Variants in KIRREL3 observed in about 807,000 individuals in gnomAD.
KIRREL3 encodes the protein kirre like nephrin family adhesion molecule 3.
KIRREL3 carries 36 observed loss-of-function variants against 89.7 expected under a neutral mutation model. The observed-to-expected ratio is 0.40, with a 90% CI of 0.31 to 0.53. The LOEUF is 0.53. Among genes scored for constraint, KIRREL3 ranks in the 20% least tolerant of loss-of-function variants. The pLI is 0.49. For synonymous variants in KIRREL3, 445 were observed against 441.4 expected, an observed-to-expected ratio of 1.01 and a Z score of -0.10; for missense variants, 864 against 1,056.6, an observed-to-expected ratio of 0.82 and a Z score of 2.53.
intron 1 of KIRREL3, among the ~76,000 whole-genome samples, chr11:126,964,010 A>C (rs1822135827): frequency 6.6e-6 from 1 of 152,186 alleles, no homozygotes; most frequent in Admixed American, 6.5e-5. Flanking sequence ...TATCCATATT[A>C]CACTTTCAAA....
chr11:126,559,607 A>G (rs1939960395), intron 2 of KIRREL3, among the ~76,000 whole-genome samples: 1 of 151,854 alleles, frequency 6.6e-6, no homozygotes, highest in Admixed American at 6.6e-5. Context: ...CTCTTTGTGG[A>G]GGTGACACAT....
At chr11:126,951,512 C>T (rs1011242041) in intron 1 of KIRREL3, among the ~76,000 whole-genome samples, 1 of 152,146 alleles carries the variant, frequency 6.6e-6, no homozygotes, top group Non-Finnish European at 1.5e-5. Flanking sequence ...GGGGTATCTG[C>T]TGCTGGAGAT....
At position 126,771,102 on chromosome 11, in the gene KIRREL3, C is replaced by T. The variant is rs1162632635; in HGVS notation, c.56-208190G>A. On this transcript the variant is annotated intron_variant, in intron 1 of 16. Coordinates refer to ENST00000525144, the MANE Select transcript of KIRREL3 (RefSeq NM_032531.4). This position sits in a 1 kb window ranked among gnomAD's most constrained non-coding sequence, Gnocchi z 4.4. Reference sequence around the variant, plus strand: ...TCCGCTTGCCTTGGCATCCCAAAGTCCTGGGATTACAGGCATGAGCCACTT... The same window carrying T: ...TCCGCTTGCCTTGGCATCCCAAAGTTCTGGGATTACAGGCATGAGCCACTT... Among the ~76,000 whole-genome samples, 10 of 152,160 alleles carry T rather than the reference C, an allele frequency of 6.6e-5. No individual in the cohort carries two copies. The highest frequency in any genetic ancestry group is 2.4e-4 in the African/African-American group (10 of 41,428).
chr11:126,436,117 G>A (rs987144618), intron 12 of KIRREL3, among the ~76,000 whole-genome samples: 4 of 152,210 alleles, frequency 2.6e-5, no homozygotes, highest in Admixed American at 2.0e-4. Context: ...GAGCTGGGAC[G>A]TCAGCGCACG....
chr11:126,844,446 A>G lies in KIRREL3; in HGVS notation c.55+156009T>C, dbSNP rs183847811. 1.3e-5 allele frequency among the ~76,000 whole-genome samples: 2 copies of G among 152,274 alleles called. No homozygotes were observed. The highest frequency in any genetic ancestry group is 3.9e-4 in the East Asian group (2 of 5,174). On this transcript the variant is annotated intron_variant, in intron 1 of 16. Transcript: ENST00000525144. The surrounding 1 kb of genome is among the most constrained non-coding windows in gnomAD (Gnocchi z 4.8). ...GAGACCTCCAACCCAAAGGAAATAGACTGCAGCACTGATTGGCAGATTTTG... is the reference window on the plus strand; with the variant it reads ...GAGACCTCCAACCCAAAGGAAATAGGCTGCAGCACTGATTGGCAGATTTTG...
intron 4 of KIRREL3, among the ~76,000 whole-genome samples, chr11:126,511,227 G>A (rs2134397737): frequency 6.6e-6 from 1 of 152,154 alleles, no homozygotes; most frequent in Admixed American, 6.5e-5. Context: ...GGGAGGCTGA[G>A]GCAAGATAAT....
Position 126,718,353 on chromosome 11 carries a change from G to A in KIRREL3, c.56-155441C>T, listed in dbSNP as rs538006875. Among the ~76,000 whole-genome samples, 77 of 151,218 alleles carry A rather than the reference G, an allele frequency of 5.1e-4. 1 individual carries two copies. The highest frequency in any genetic ancestry group is 4.6e-3 in the Admixed American group (70 of 15,232). On this transcript the variant is annotated intron_variant, in intron 1 of 16. Transcript: ENST00000525144. ...CTAGCTGCATGCAGGTGCAAGTTGC[G>A]GAACCCAACTCCAAGAGGCTGCACG...
In KIRREL3 at chr11:126,553,940, G is replaced by C. The variant is rs1939486774; in HGVS notation, c.133+8895C>G. Among the ~76,000 whole-genome samples the C allele has an allele frequency of 6.6e-6, 1 of 152,168 alleles. No individual in the cohort carries two copies. The highest frequency in any genetic ancestry group is 2.4e-5 in the African/African-American group (1 of 41,424). ...AAAGTAGTAACCTTCGAAACAGGTT[G>C]GTGTCCATTCACATTGGAACTGCTG... On this transcript the variant is annotated intron_variant, in intron 2 of 16. Coordinates refer to ENST00000525144, the MANE Select transcript of KIRREL3 (RefSeq NM_032531.4). This position sits in a 1 kb window ranked among gnomAD's most constrained non-coding sequence, Gnocchi z 4.7.
Position 126,643,449 on chromosome 11 carries a change from A to G in KIRREL3, c.56-80537T>C, listed in dbSNP as rs1380254151. Among the ~76,000 whole-genome samples, 1 of 152,208 alleles carries G rather than the reference A, an allele frequency of 6.6e-6. No individual in the cohort carries two copies. The highest frequency in any genetic ancestry group is 1.5e-5 in the Non-Finnish European group (1 of 68,032). On this transcript the variant is annotated intron_variant, in intron 1 of 16. Coordinates refer to ENST00000525144, the MANE Select transcript of KIRREL3 (RefSeq NM_032531.4). This position sits in a 1 kb window ranked among gnomAD's most constrained non-coding sequence, Gnocchi z 4.5. The stretch of plus-strand genomic sequence containing the variant: ...CATGCAGATGGAAGCTATTTCAGAC[A>G]GAGGGAAAAAACATGAGTATTGAAG...
intron 1 of KIRREL3, among the ~76,000 whole-genome samples, chr11:126,824,845 A>G (rs185030157): frequency 2.0e-5 from 3 of 152,338 alleles, no homozygotes; most frequent in Admixed American, 2.0e-4. Context: ...CGCACCTGTG[A>G]AGACAAGCTA....
In KIRREL3 at chr11:126,431,446, C is replaced by T. The variant is rs779381579; in HGVS notation, c.1669G>A (p.Ala557Thr). ...CTCTGGGAACGGGCACAGCAGAACG[C>T]CACGATGGTTGCCATAAGGACGAGG... ...AFLVLMATIV[A>T]FCCARSQRNL... is the part of the protein sequence containing the mutation. Residue 557 changes from alanine (A) to threonine (T), a missense_variant, in exon 14 of 17, where the codon GCG becomes ACG. Ala to Thr is a moderately conservative substitution (Grantham distance 58). Transcript: ENST00000525144. This position sits in a 1 kb window ranked among gnomAD's most constrained non-coding sequence, Gnocchi z 7.1. 1.5e-4 allele frequency: 243 copies of T among 1,613,950 alleles called. No homozygotes were observed. The highest frequency in any genetic ancestry group is 1.9e-4 in the Non-Finnish European group (230 of 1,179,916).
chr11:126,924,018 T>C lies in KIRREL3; in HGVS notation c.55+76437A>G, dbSNP rs1947587592. Among the ~76,000 whole-genome samples the C allele has an allele frequency of 1.3e-5, 2 of 152,184 alleles. No individual in the cohort carries two copies. Among genetic ancestry groups the C allele is most frequent in the Admixed American group, 1.3e-4 (2 of 15,282 alleles). On this transcript the variant is annotated intron_variant, in intron 1 of 16. Coordinates refer to ENST00000525144, the MANE Select transcript of KIRREL3 (RefSeq NM_032531.4). This position sits in a 1 kb window ranked among gnomAD's most constrained non-coding sequence, Gnocchi z 4.7. The stretch of plus-strand genomic sequence containing the variant: ...GAGCATCATCCAAGGCTTCCCCATT[T>C]CCCTTAGCCCCTATGACCAGTCACT...
Position 126,705,094 on chromosome 11 carries a change from G to A in KIRREL3, c.56-142182C>T, listed in dbSNP as rs530301471. On this transcript the variant is annotated intron_variant, in intron 1 of 16. Coordinates refer to ENST00000525144, the MANE Select transcript of KIRREL3 (RefSeq NM_032531.4). The surrounding 1 kb of genome is among the most constrained non-coding windows in gnomAD (Gnocchi z 4.3). The stretch of plus-strand genomic sequence containing the variant: ...CATAGGTTTGGTTTTCTTAAAAAAA[G>A]GTTTTCTTAATTCAAAAAATGTACA... Among the ~76,000 whole-genome samples the A allele has an allele frequency of 3.9e-5, 6 of 152,202 alleles. No homozygotes were observed. The highest frequency in any genetic ancestry group is 1.4e-4 in the African/African-American group (6 of 41,546).
rs1315495207 is a variant in KIRREL3 at position 126,729,740 on chromosome 11, C to T, written c.56-166828G>A. On this transcript the variant is annotated intron_variant, in intron 1 of 16. Coordinates refer to ENST00000525144, the MANE Select transcript of KIRREL3 (RefSeq NM_032531.4). The surrounding 1 kb of genome is among the most constrained non-coding windows in gnomAD (Gnocchi z 4.5). Reference sequence around the variant, plus strand: ...TGAAAAGCTCACAGCTCAGGGTCCCCTGCTATTTTATGAGCTTGGGAGGTT... The same window carrying T: ...TGAAAAGCTCACAGCTCAGGGTCCCTTGCTATTTTATGAGCTTGGGAGGTT... 3.9e-5 allele frequency among the ~76,000 whole-genome samples: 6 copies of T among 152,142 alleles called. No individual in the cohort carries two copies. The highest frequency in any genetic ancestry group is 3.9e-4 in the Admixed American group (6 of 15,280).
chr11:126,573,102 C>T (rs994583672), intron 1 of KIRREL3, among the ~76,000 whole-genome samples: 5 of 152,114 alleles, frequency 3.3e-5, no homozygotes, highest in Admixed American at 6.5e-5. Flanking sequence ...TGGGAATGCC[C>T]CCTCCACATT....
chr11:126,636,509 C>T lies in KIRREL3; in HGVS notation c.56-73597G>A, dbSNP rs188113437. On this transcript the variant is annotated intron_variant, in intron 1 of 16. Transcript: ENST00000525144. The surrounding 1 kb of genome is among the most constrained non-coding windows in gnomAD (Gnocchi z 4.4). The stretch of plus-strand genomic sequence containing the variant: ...GCCACTGGATATGTGGCAGCTCTGC[C>T]TTCGTGTTGGGCTCACATTACAGAC... Among the ~76,000 whole-genome samples, 1 of 152,318 alleles carries T rather than the reference C, an allele frequency of 6.6e-6. No homozygotes were observed.
intron 1 of KIRREL3, among the ~76,000 whole-genome samples, chr11:126,923,646 G>A (rs1947571268): frequency 6.6e-6 from 1 of 151,874 alleles, no homozygotes; most frequent in Non-Finnish European, 1.5e-5. Flanking sequence ...GTTTCACCAT[G>A]TTGCCCAGGC....
chr11:126,529,451 T>C lies in KIRREL3; in HGVS notation c.134-2764A>G, dbSNP rs78935242. 7.3e-3 allele frequency among the ~76,000 whole-genome samples: 1,108 copies of C among 152,060 alleles called. 9 individuals are homozygous for C. The highest frequency in any genetic ancestry group is 0.025 in the African/African-American group (1,039 of 41,488). On this transcript the variant is annotated intron_variant, in intron 2 of 16. Coordinates refer to ENST00000525144, the MANE Select transcript of KIRREL3 (RefSeq NM_032531.4). ...TGGGGTCTGTAGGAAAGGAGCCTGATGGGATGGGGCTGAGCGGGAGAGGGC... is the reference window on the plus strand; with the variant it reads ...TGGGGTCTGTAGGAAAGGAGCCTGACGGGATGGGGCTGAGCGGGAGAGGGC...
At chr11:126,625,942 C>A (rs1349789617) in intron 1 of KIRREL3, among the ~76,000 whole-genome samples, 1 of 152,208 alleles carries the variant, frequency 6.6e-6, no homozygotes, top group Non-Finnish European at 1.5e-5. Flanking sequence ...TCTTGTGTAT[C>A]TTCCTGCATT....
Sources: gnomAD v4.1 joint callset for allele counts (sites outside exome capture counted in the v4.1 genomes callset) on GRCh38, gnomAD v4.1.1 for gene constraint, Gnocchi (gnomAD v3.1) non-coding constraint, MANE v1.5 for transcripts, NCBI Gene and HGNC (gene_info 2026-07-23, HGNC 2026-07-21) for gene names.